The following AGAP1 variants were observed in gnomAD, a reference collection of about 807,000 sequenced individuals.
The protein encoded by AGAP1 is arf-GAP with GTPase, ANK repeat and PH domain-containing protein 1.
Under a neutral mutation model 105.3 loss-of-function variants are expected in AGAP1, and 29 were observed. That is an observed-to-expected ratio of 0.28 (90% CI 0.21 to 0.38). AGAP1 has a LOEUF of 0.38. Ranked by LOEUF, AGAP1 falls within the 10% of genes least tolerant of loss-of-function variation. AGAP1 has a pLI of 1.00. For synonymous variants in AGAP1, 509 were observed against 485.9 expected, an observed-to-expected ratio of 1.05 and a Z score of -0.63; for missense variants, 998 against 1,165.1, an observed-to-expected ratio of 0.86 and a Z score of 2.09.
chr2:236,047,755 A>C (rs1364790526), intron 15 of AGAP1, among the ~76,000 whole-genome samples: 2 of 151,478 alleles, frequency 1.3e-5, no homozygotes, highest in Admixed American at 1.3e-4. Context: ...GCCCTCCACC[A>C]TACCCAACTA....
At chr2:235,852,901 C>T in intron 9 of AGAP1, 4 of 1,328,948 alleles carry the variant, frequency 3.0e-6, no homozygotes, top group South Asian at 2.2e-5. Context: ...CGATAGCTTG[C>T]AGGCCGCTGC....
rs984928663 is a variant in AGAP1 at position 236,073,356 on chromosome 2, C to A, written c.2114+24075C>A. Among the ~76,000 whole-genome samples, 1 of 152,252 alleles carries A rather than the reference C, an allele frequency of 6.6e-6. No homozygotes were observed. Among genetic ancestry groups the A allele is most frequent in the African/African-American group, 2.4e-5 (1 of 41,556 alleles). The stretch of plus-strand genomic sequence containing the variant: ...GTAGGTTATTTCACACAGCACATCT[C>A]CATTAGGACTAGCCACGTTTCAAGC... On this transcript the variant is annotated intron_variant, in intron 16 of 17. Transcript: ENST00000304032. The surrounding 1 kb of genome is among the most constrained non-coding windows in gnomAD (Gnocchi z 5.4).
chr2:235,877,630 G>A lies in AGAP1; in HGVS notation c.1051-5715G>A, dbSNP rs58799461. On this transcript the variant is annotated intron_variant, in intron 9 of 17. Coordinates refer to ENST00000304032, the MANE Select transcript of AGAP1 (RefSeq NM_001037131.3). This position sits in a 1 kb window ranked among gnomAD's most constrained non-coding sequence, Gnocchi z 4.3. ...CCTAGGAAGTCGGAGATGCCAACTCGGGCAGTGGAATCCAGTGGTGGTTTT... is the reference window on the plus strand; with the variant it reads ...CCTAGGAAGTCGGAGATGCCAACTCAGGCAGTGGAATCCAGTGGTGGTTTT... Among the ~76,000 whole-genome samples, 3,433 of 152,268 alleles carry A rather than the reference G, an allele frequency of 0.023. 119 individuals carry two copies. Among genetic ancestry groups the A allele is most frequent in the African/African-American group, 0.078 (3,259 of 41,534 alleles).
In AGAP1 at chr2:236,101,055, A is replaced by G. The variant is rs371573877; in HGVS notation, c.2115-19137A>G. 5.3e-5 allele frequency among the ~76,000 whole-genome samples: 8 copies of G among 152,284 alleles called. No individual in the cohort carries two copies. Among genetic ancestry groups the G allele is most frequent in the Admixed American group, 1.3e-4 (2 of 15,294 alleles). On this transcript the variant is annotated intron_variant, in intron 16 of 17. Transcript: ENST00000304032. This position sits in a 1 kb window ranked among gnomAD's most constrained non-coding sequence, Gnocchi z 4.9. ...AGGGGTCCGCAGACCCAGGCCCCTC[A>G]TTCCATCAGTTTCTTTCAGCATGTT...
chr2:236,070,110 TG>T (rs1014488256), intron 16 of AGAP1, among the ~76,000 whole-genome samples: 3 of 152,256 alleles, frequency 2.0e-5, no homozygotes, highest in African/African-American at 7.2e-5. Flanking sequence ...GGAGTACCAC[TG>T]GGGTGTGACC....
Position 235,589,194 on chromosome 2 carries a change from G to GTTTTTTTTTT in AGAP1, c.163+94364_163+94373dup, listed in dbSNP as rs928149334. ...CTACCAGTTAATAGCTTATTGTTTT[G>GTTTTTTTTTT]TTTTTTTTTTTTTTTTTTTTTTTTT... is the stretch of plus-strand genomic sequence containing the variant. On this transcript the variant is annotated intron_variant, in intron 1 of 17. Transcript: ENST00000304032. 5.4e-4 allele frequency among the ~76,000 whole-genome samples: 32 copies of GTTTTTTTTTT among 59,608 alleles called. 2 individuals carry two copies. Among genetic ancestry groups the GTTTTTTTTTT allele is most frequent in the South Asian group, 2.0e-3 (3 of 1,482 alleles). 39.1% of individuals were successfully genotyped at this position (59,608 alleles called of 152,430 possible). A position where few individuals can be genotyped will look rare whatever the true frequency, so the allele number is the denominator to read the frequency against.
At chr2:235,807,391 G>C in intron 9 of AGAP1, 60 bp downstream of exon 9, 1 of 1,473,114 alleles carries the variant, frequency 6.8e-7, no homozygotes, top group Non-Finnish European at 9.2e-7. Context: ...GGTCTTCCTG[G>C]AGATGATGCT....
intron 1 of AGAP1, among the ~76,000 whole-genome samples, chr2:235,510,055 C>T (rs553312883): frequency 1.3e-5 from 2 of 152,130 alleles, no homozygotes; most frequent in African/African-American, 2.4e-5. Context: ...GTCTCCTGTC[C>T]CCCCCAGCTG....
intron 16 of AGAP1, among the ~76,000 whole-genome samples, chr2:236,064,867 A>G (rs2058303008): frequency 6.6e-6 from 1 of 152,246 alleles, no homozygotes; most frequent in Admixed American, 6.5e-5. Context: ...AACACATAAA[A>G]TGAAAACAAG....
chr2:236,048,841 T>A (rs555144616), intron 15 of AGAP1, among the ~76,000 whole-genome samples: 1 of 152,378 alleles, frequency 6.6e-6, no homozygotes, highest in Admixed American at 6.5e-5. Context: ...TCCAAGGCTT[T>A]GGCTTCAGCC....
chr2:235,531,781 T>C (rs1456718258), intron 1 of AGAP1, among the ~76,000 whole-genome samples: 1 of 152,046 alleles, frequency 6.6e-6, no homozygotes, highest in African/African-American at 2.4e-5. Flanking sequence ...GCTAATTTTT[T>C]TGTATTTTTA....
intron 9 of AGAP1, among the ~76,000 whole-genome samples, chr2:235,862,601 C>G (rs561998227): frequency 2.0e-5 from 3 of 152,356 alleles, no homozygotes; most frequent in Admixed American, 1.3e-4. Context: ...TACCTTTTAG[C>G]CATTCTTGGT....
Position 235,730,917 on chromosome 2 carries a change from C to T in AGAP1, c.311-10046C>T, listed in dbSNP as rs149284399. On this transcript the variant is annotated intron_variant, in intron 3 of 17. Coordinates refer to ENST00000304032, the MANE Select transcript of AGAP1 (RefSeq NM_001037131.3). Reference sequence around the variant, plus strand: ...TCAGAGTGGTGATTGAAAAGCAGCCCCCAACCGTTTTCTCCGAGAGGTGCA... The same window carrying T: ...TCAGAGTGGTGATTGAAAAGCAGCCTCCAACCGTTTTCTCCGAGAGGTGCA... Among the ~76,000 whole-genome samples the T allele has an allele frequency of 1.5e-3, 222 of 152,166 alleles. 1 individual carries two copies. Among genetic ancestry groups the T allele is most frequent in the African/African-American group, 5.2e-3 (215 of 41,500 alleles).
At chr2:235,644,524 C>T (rs1239367139) in intron 1 of AGAP1, among the ~76,000 whole-genome samples, 6 of 152,122 alleles carry the variant, frequency 3.9e-5, no homozygotes, top group Admixed American at 3.9e-4. Flanking sequence ...AAATAGCTCA[C>T]TGCAGAATCT....
chr2:235,951,641 G>A lies in AGAP1; in HGVS notation c.1484-16821G>A, dbSNP rs926225034. 5.3e-5 allele frequency among the ~76,000 whole-genome samples: 8 copies of A among 152,156 alleles called. No individual in the cohort carries two copies. Among genetic ancestry groups the A allele is most frequent in the South Asian group, 2.1e-4 (1 of 4,816 alleles). ...TCACCCACCCTGGGGAAGGTGGCTC[G>A]TGTCACTACCCTTTGCTACAGCTGT... On this transcript the variant is annotated intron_variant, in intron 12 of 17. Transcript: ENST00000304032. This position sits in a 1 kb window ranked among gnomAD's most constrained non-coding sequence, Gnocchi z 4.2.
At chr2:235,940,925 C>T (rs570812521) in intron 12 of AGAP1, among the ~76,000 whole-genome samples, 2 of 152,308 alleles carry the variant, frequency 1.3e-5, no homozygotes, top group African/African-American at 4.8e-5. Flanking sequence ...ACTTGGATAG[C>T]ATCCCCAAAT....
intron 1 of AGAP1, among the ~76,000 whole-genome samples, chr2:235,638,939 C>G (rs1163226446): frequency 2.0e-5 from 3 of 152,196 alleles, no homozygotes; most frequent in Non-Finnish European, 2.9e-5. Flanking sequence ...ACATCTCTTC[C>G]AGTTGCGGTG....
intron 1 of AGAP1, among the ~76,000 whole-genome samples, chr2:235,543,104 C>CA (rs1361645663): frequency 1.5e-5 from 2 of 137,384 alleles, no homozygotes; most frequent in Admixed American, 1.5e-4. Context: ...CCCTCCCCCC[C>CA]CCCCGCCCCC....
At chr2:235,644,163 C>T (rs981473988) in intron 1 of AGAP1, among the ~76,000 whole-genome samples, 13 of 152,140 alleles carry the variant, frequency 8.5e-5, no homozygotes, top group Non-Finnish European at 1.6e-4. Flanking sequence ...GAGCTGCTTC[C>T]GCTGCAGGTG....
Sources: allele counts gnomAD v4.1 joint callset (sites outside exome capture counted in the v4.1 genomes callset), GRCh38; gene constraint gnomAD v4.1.1; non-coding constraint Gnocchi (gnomAD v3.1); transcripts MANE v1.5; gene names NCBI Gene and HGNC (gene_info 2026-07-23, HGNC 2026-07-21).